GPAM: variants seen among roughly 807,000 people sequenced by gnomAD.
GPAM encodes the protein glycerol-3-phosphate acyltransferase 1, mitochondrial.
Under a neutral mutation model 105.0 loss-of-function variants are expected in GPAM, and 56 were observed. The observed-to-expected ratio is 0.53, with a 90% CI of 0.43 to 0.67. GPAM has a LOEUF of 0.67. Among genes scored for constraint, GPAM ranks in the 30% least tolerant of loss-of-function variants. The pLI, the probability that GPAM is intolerant of heterozygous loss-of-function variation, is 0.00. For missense variants in GPAM, 855 were observed against 989.8 expected (o/e 0.86, Z 1.83); for synonymous variants, 368 against 354.4 (o/e 1.04, Z -0.43).
upstream of GPAM, among the ~76,000 whole-genome samples, chr10:112,185,278 A>G (rs1188820930): frequency 2.0e-5 from 3 of 152,288 alleles, no homozygotes; most frequent in East Asian, 5.8e-4. Flanking sequence ...AAAATTTGCA[A>G]CATCTGGAAT....
At chr10:112,156,425 T>C (rs1847018549) in intron 19 of GPAM, 1 of 306,150 alleles carries the variant, frequency 3.3e-6, no homozygotes, top group African/African-American at 2.2e-5. Context: ...GTCACTCAAG[T>C]CTGCAGAAAG....
chr10:112,200,240 T>TAGAGAGAGAG (rs1464259484), intron 1 of GPAM, among the ~76,000 whole-genome samples: 2 of 129,384 alleles, frequency 1.5e-5, no homozygotes, highest in African/African-American at 6.3e-5. Context: ...TATATATATA[T>TAGAGAGAGAG]ATATAGAGAG....
Position 112,212,940 on chromosome 10 carries a change from G to A in GPAM, n.210+2228C>T, listed in dbSNP as rs1847928726. ...CCTCTTCATGTTTAGGCGAAAGCCT[G>A]TAAGTGCTTAACCCTGGCTACCAAG... On this transcript the variant is annotated intron_variant and non_coding_transcript_variant, in intron 1 of 3. Transcript: ENST00000480130. 3.3e-5 allele frequency among the ~76,000 whole-genome samples: 5 copies of A among 152,366 alleles called. No homozygotes were observed. In the South Asian group the frequency reaches 1.0e-3, roughly 32 times the overall value.
chr10:112,219,821 C>T (rs747681917), upstream of GPAM, among the ~76,000 whole-genome samples: 59 of 152,174 alleles, frequency 3.9e-4, no homozygotes, highest in Non-Finnish European at 6.6e-4. Flanking sequence ...CTTAATCATT[C>T]CTGGGGTCTG....
chr10:112,201,365 A>G (rs777303489), intron 1 of GPAM, among the ~76,000 whole-genome samples: 1 of 152,190 alleles, frequency 6.6e-6, no homozygotes, highest in Non-Finnish European at 1.5e-5. Context: ...CTGCTCTTTC[A>G]TGGTCTCAGC....
In GPAM at chr10:112,160,845, G is replaced by T; in HGVS notation, c.1518C>A (p.Val506=). Residue 506 remains valine (V), a synonymous_variant, in exon 16 of 22, where the codon GTC becomes GTA. Coordinates refer to ENST00000348367, the MANE Select transcript of GPAM (RefSeq NM_001244949.2). ...HRQGIDLSTL[V]EDFFVMKEEV... ...CCTCTTTCATCACAAAGAAGTCTTC[G>T]ACCAATGTGGAGAGATCAATTCCCT... 6.2e-7 allele frequency: 1 copy of T among 1,613,502 alleles called. No homozygotes were observed. Among genetic ancestry groups the T allele is most frequent in the South Asian group, 1.1e-5 (1 of 91,034 alleles).
chr10:112,160,470 T>C, intron 16 of GPAM, 134 bp downstream of exon 16: 3 of 1,226,008 alleles, frequency 2.4e-6, no homozygotes, highest in Non-Finnish European at 3.4e-6. Flanking sequence ...TACATTTTCG[T>C]TTGAAAACTA....
chr10:112,163,848 C>T (rs367974148), intron 13 of GPAM, 32 bp from the exon 14 acceptor site: 53 of 987,140 alleles, frequency 5.4e-5, no homozygotes, highest in East Asian at 4.8e-5. Context: ...AACACACAAC[C>T]GCACTCTTTT....
chr10:112,178,854 T>C (rs183522357), intron 4 of GPAM, among the ~76,000 whole-genome samples: 2 of 152,150 alleles, frequency 1.3e-5, no homozygotes, highest in African/African-American at 4.8e-5. Context: ...AGTATGGTCT[T>C]TCTATTACCC....
At position 112,183,061 on chromosome 10, in the gene GPAM, C is replaced by T. The variant is rs73353066; in HGVS notation, c.-127-170G>A. 2.1e-3 allele frequency among the ~76,000 whole-genome samples: 314 copies of T among 152,342 alleles called. 2 individuals carry two copies. The highest frequency in any genetic ancestry group is 6.6e-3 in the African/African-American group (276 of 41,574). On this transcript the variant is annotated intron_variant, in intron 1 of 21. Transcript: ENST00000348367. The stretch of plus-strand genomic sequence containing the variant: ...AGCCAGCAGCATGCGCTGAGAGAAG[C>T]TGACTAGAGGATCTGAAAAGGACAG...
chr10:112,173,652 A>G, intron 7 of GPAM, 47 bp downstream of exon 7: 2 of 1,591,506 alleles, frequency 1.3e-6, no homozygotes, highest in Middle Eastern at 1.7e-4. Flanking sequence ...TATTTGCTCA[A>G]ATCAGCATGG....
rs952468108 is a variant in GPAM at position 112,151,975 on chromosome 10, G to A, written c.*1575C>T. The A allele has an allele frequency of 3.1e-6, 3 of 980,436 alleles. No individual in the cohort carries two copies. Among genetic ancestry groups the A allele is most frequent in the Non-Finnish European group, 3.6e-6 (3 of 825,588 alleles). 60.7% of individuals were successfully genotyped at this position (980,436 alleles called of 1,614,324 possible). A position where few individuals can be genotyped will look rare whatever the true frequency, so the allele number is the denominator to read the frequency against. On this transcript the variant is annotated 3_prime_UTR_variant, in exon 22 of 22. Coordinates refer to ENST00000348367, the MANE Select transcript of GPAM (RefSeq NM_001244949.2). The stretch of plus-strand genomic sequence containing the variant: ...TATTTTAAATGCAGAACTTGAGAGG[G>A]ATCACAACAGCATAGCATTATTGCT...
chr10:112,153,447 C>T lies in GPAM; in HGVS notation c.*103G>A. Reference sequence around the variant, plus strand: ...TCCAGGAGATCACTTCGGGACAGGGCAGGCCTGACCCTGCGATGGCACCTT... The same window carrying T: ...TCCAGGAGATCACTTCGGGACAGGGTAGGCCTGACCCTGCGATGGCACCTT... On this transcript the variant is annotated 3_prime_UTR_variant, in exon 22 of 22. Coordinates refer to ENST00000348367, the MANE Select transcript of GPAM (RefSeq NM_001244949.2). The T allele has an allele frequency of 6.2e-7, 1 of 1,601,116 alleles. No homozygotes were observed. Among genetic ancestry groups the T allele is most frequent in the Non-Finnish European group, 8.5e-7 (1 of 1,176,516 alleles).
rs187958031 is a variant in GPAM, at chr10:112,197,236, A to C, written n.211-14345T>G. Among the ~76,000 whole-genome samples the C allele has an allele frequency of 4.0e-3, 614 of 152,310 alleles. 5 individuals carry two copies. Among genetic ancestry groups the C allele is most frequent in the African/African-American group, 0.014 (591 of 41,564 alleles). On this transcript the variant is annotated intron_variant and non_coding_transcript_variant, in intron 1 of 3. Coordinates refer to the GPAM transcript ENST00000480130. ...ATGAAATTTTAACCTCCCAGAGATA[A>C]AGTTTCATTGACTTTAAGCTCCACA...
In GPAM at chr10:112,161,671, C is replaced by G. The variant is rs760395387; in HGVS notation, c.1490G>C (p.Arg497Thr). Residue 497 changes from arginine to threonine, a missense_variant, in exon 15 of 22, where the codon AGG becomes ACG. Transcript: ENST00000348367. ...CAGGTGACATTGCAGACATACCTGC[C>G]TGTGTCTGTAGAGGAGCAGGCAAGC... ...IVACLLLYRH[R>T]QGIDLSTLVE... 1.2e-6 allele frequency: 2 copies of G among 1,611,290 alleles called. No individual in the cohort carries two copies. The highest frequency in any genetic ancestry group is 2.7e-5 in the African/African-American group (2 of 74,876).
At chr10:112,154,529 C>A in intron 21 of GPAM, 100 bp downstream of exon 21, 1 of 872,432 alleles carries the variant, frequency 1.1e-6, no homozygotes, top group Non-Finnish European at 1.9e-6. Flanking sequence ...GAAACTGCTT[C>A]TCTCGGGGTC....
At position 112,197,058 on chromosome 10, in the gene GPAM, T is replaced by C. The variant is rs182123325; in HGVS notation, n.211-14167A>G. 3.1e-4 allele frequency among the ~76,000 whole-genome samples: 47 copies of C among 152,360 alleles called. No individual in the cohort carries two copies. The East Asian group carries it at 6.0e-3, about 19-fold the overall frequency. ...GTTAAATAAATCAAGATCAATAATG[T>C]TGGTTTTTCTCTAGCTTATTTATAA... On this transcript the variant is annotated intron_variant and non_coding_transcript_variant, in intron 1 of 3. Coordinates refer to the GPAM transcript ENST00000480130.
At chr10:112,192,680 A>C (rs1007017073) in intron 1 of GPAM, among the ~76,000 whole-genome samples, 1 of 152,230 alleles carries the variant, frequency 6.6e-6, no homozygotes, top group Non-Finnish European at 1.5e-5. Flanking sequence ...AGAGGAAGGA[A>C]TTGGGAACAC....
intron 1 of GPAM, among the ~76,000 whole-genome samples, chr10:112,201,709 C>T (rs966909386): frequency 6.6e-6 from 1 of 152,190 alleles, no homozygotes; most frequent in Non-Finnish European, 1.5e-5. Context: ...ATTTATAGCA[C>T]TTAACCCTCT....
Sources: gnomAD v4.1 joint callset for allele counts (sites outside exome capture counted in the v4.1 genomes callset) on GRCh38, gnomAD v4.1.1 for gene constraint, MANE v1.5 for transcripts, NCBI Gene and HGNC (gene_info 2026-07-23, HGNC 2026-07-21) for gene names.